NOS1: variants seen among roughly 807,000 people sequenced by gnomAD.
NOS1 encodes the protein NOS type I.
NOS1 carries 51 observed loss-of-function variants against 164.5 expected under a neutral mutation model. That is an observed-to-expected ratio of 0.31 (90% CI 0.25 to 0.39). The LOEUF (loss-of-function observed/expected upper bound fraction) is 0.39, where lower values mean the gene tolerates loss of function less well. Among genes scored for constraint, NOS1 ranks in the 10% least tolerant of loss-of-function variants. NOS1 has a pLI of 1.00. For synonymous variants in NOS1, 719 were observed against 745.8 expected (o/e 0.96, Z 0.59); for missense variants, 1,362 against 1,885.6 (o/e 0.72, Z 5.14).
At chr12:117,240,301 A>T (rs1035195767) in intron 20 of NOS1, among the ~76,000 whole-genome samples, 1 of 152,196 alleles carries the variant, frequency 6.6e-6, no homozygotes, top group African/African-American at 2.4e-5. Flanking sequence ...TTGAGAATCT[A>T]AGAGAGAATA....
At chr12:117,252,559 G>A in intron 17 of NOS1, among the ~76,000 whole-genome samples, 1 of 152,218 alleles carries the variant, frequency 6.6e-6, no homozygotes, top group Non-Finnish European at 1.5e-5. Context: ...ACTATGGACT[G>A]TGGCTGATAA....
chr12:117,240,103 A>G (rs1210124182), intron 20 of NOS1, among the ~76,000 whole-genome samples: 1 of 152,192 alleles, frequency 6.6e-6, no homozygotes, highest in African/African-American at 2.4e-5. Flanking sequence ...TGCTGAAAGA[A>G]ATTTCCAGTA....
At chr12:117,307,919 G>T (rs994549696) in intron 3 of NOS1, among the ~76,000 whole-genome samples, 3 of 151,844 alleles carry the variant, frequency 2.0e-5, no homozygotes, top group East Asian at 1.9e-4. Flanking sequence ...GGAGGCTGAG[G>T]GGGGAGGATT....
Position 117,234,297 on chromosome 12 carries a change from G to T in NOS1, c.3235+268C>A, listed in dbSNP as rs1342359303. ...AAGAATGGCTACTGCTAAAGTCCGT[G>T]TCTAGTCAATGAAGGAAGGTAGCAG... On this transcript the variant is annotated intron_variant, in intron 21 of 28. Transcript: ENST00000317775. This position sits in a 1 kb window ranked among gnomAD's most constrained non-coding sequence, Gnocchi z 4.3. 5.9e-5 allele frequency among the ~76,000 whole-genome samples: 9 copies of T among 152,206 alleles called. No individual in the cohort carries two copies. Among genetic ancestry groups the T allele is most frequent in the African/African-American group, 2.2e-4 (9 of 41,458 alleles).
intron 3 of NOS1, among the ~76,000 whole-genome samples, chr12:117,294,396 T>C (rs780386564): frequency 1.7e-4 from 26 of 152,098 alleles, no homozygotes; most frequent in Admixed American, 1.2e-3. Flanking sequence ...AGGTCCCAGA[T>C]GTGCGAGGGG....
intron 1 of NOS1, among the ~76,000 whole-genome samples, chr12:117,344,017 T>C (rs916691955): frequency 7.9e-5 from 12 of 152,192 alleles, no homozygotes. Context: ...ATGTCAGATA[T>C]ACCAGTAATA....
intron 1 of NOS1, among the ~76,000 whole-genome samples, chr12:117,343,711 C>T (rs1819283099): frequency 6.6e-6 from 1 of 152,186 alleles, no homozygotes; most frequent in South Asian, 2.1e-4. Context: ...AATTGCACAT[C>T]AGTGTTAACT....
Position 117,275,374 on chromosome 12 carries a change from A to G in NOS1, c.1664+2585T>C, listed in dbSNP as rs572930063. Among the ~76,000 whole-genome samples, 6 of 152,290 alleles carry G rather than the reference A, an allele frequency of 3.9e-5. No individual in the cohort carries two copies. In the South Asian group the frequency reaches 1.2e-3, roughly 32 times the overall value. On this transcript the variant is annotated intron_variant, in intron 9 of 28. Coordinates refer to ENST00000317775, the MANE Select transcript of NOS1 (RefSeq NM_000620.5). ...AACATAGATAGAACTGGAGGACGTT[A>G]TGTTAAGTGAAATGAACCAGGAACT... is the stretch of plus-strand genomic sequence containing the variant.
intron 10 of NOS1, among the ~76,000 whole-genome samples, chr12:117,270,217 G>C (rs979291542): frequency 1.1e-4 from 17 of 152,166 alleles, no homozygotes; most frequent in Admixed American, 5.9e-4. Context: ...GTCACTGGTG[G>C]GAACCCAGGT....
At chr12:117,296,552 T>C (rs1873429146) in intron 3 of NOS1, among the ~76,000 whole-genome samples, 1 of 152,224 alleles carries the variant, frequency 6.6e-6, no homozygotes, top group African/African-American at 2.4e-5. Context: ...CTCCAAGTTC[T>C]TTAGCTTTGG....
At position 117,330,586 on chromosome 12, in the gene NOS1, C is replaced by T; in HGVS notation, c.484G>A (p.Ala162Thr). Residue 162 changes from alanine (A) to threonine (T), a missense_variant, in exon 2 of 29, where the codon GCC (alanine) becomes ACC (threonine). Ala to Thr is a moderately conservative substitution (Grantham distance 58, BLOSUM62 0). Transcript: ENST00000317775. The surrounding 1 kb of genome is among the most constrained non-coding windows in gnomAD (Gnocchi z 4.6). ...ASGPGNGPQH[A>T]YDDGQEAGSL... is the part of the protein sequence containing the mutation. ...CCAGCCTCCTGCCCATCATCGTAGG[C>T]ATGCTGAGGCCCATTCCCGGGACCC... 1 of 1,612,668 alleles carries T rather than the reference C, an allele frequency of 6.2e-7. No homozygotes were observed. Among genetic ancestry groups the T allele is most frequent in the African/African-American group, 1.3e-5 (1 of 75,022 alleles).
In NOS1 at chr12:117,265,297, G is replaced by A. The variant is rs760417515; in HGVS notation, c.2136+19C>T. 7 of 1,514,926 alleles carry A rather than the reference G, an allele frequency of 4.6e-6. No homozygotes were observed. The highest frequency in any genetic ancestry group is 6.2e-6 in the Non-Finnish European group (7 of 1,125,640). 93.8% of individuals were successfully genotyped at this position (1,514,926 alleles called of 1,614,324 possible). On this transcript the variant is annotated intron_variant, in intron 12 of 28. Coordinates refer to ENST00000317775, the MANE Select transcript of NOS1 (RefSeq NM_000620.5). ...ATACAGGACACTTAATATGAAAAGA[G>A]GCAGGGACAGGGAAGGACCTGGTAT...
rs549340789 is a variant in NOS1, at chr12:117,330,510, G to A, written c.560C>T (p.Pro187Leu). 1.1e-5 allele frequency: 18 copies of A among 1,614,070 alleles called. No individual in the cohort carries two copies. In the East Asian group the frequency reaches 1.6e-4, roughly 14 times the overall value. Residue 187 changes from proline to leucine, a missense_variant, in exon 2 of 29, where the codon CCC (proline) becomes CTC (leucine). By Grantham distance (98) the Pro-to-Leu change is moderately conservative (BLOSUM62 -3). Coordinates refer to ENST00000317775, the MANE Select transcript of NOS1 (RefSeq NM_000620.5). This position sits in a 1 kb window ranked among gnomAD's most constrained non-coding sequence, Gnocchi z 4.6. The stretch of plus-strand genomic sequence containing the variant: ...GCTGACTCTGGTTGCTTTCTTCGCG[G>A]GGTCCTGGCCTGGGGGCCTGGGGGC... ...GLAPRPPGQD[P>L]AKKATRVSLQ...
Position 117,359,874 on chromosome 12 carries a change from TTTTATATATATATATA to T in NOS1, c.-421+1622_-421+1637del, listed in dbSNP as rs1490462425. On this transcript the variant is annotated intron_variant, in intron 1 of 28. Coordinates refer to ENST00000317775, the MANE Select transcript of NOS1 (RefSeq NM_000620.5). ...CGGTCCCAGAGCATTACAATAATGG[TTTTATATATATATATA>T]TATATATATATATATATATATATAT... 3.8e-3 allele frequency among the ~76,000 whole-genome samples: 169 copies of T among 44,198 alleles called. 12 individuals are homozygous for T. Among genetic ancestry groups the T allele is most frequent in the Admixed American group, 5.9e-3 (21 of 3,570 alleles). 29.0% of individuals were successfully genotyped at this position (44,198 alleles called of 152,430 possible). A position where few individuals can be genotyped will look rare whatever the true frequency, so the allele number is the denominator to read the frequency against.
At chr12:117,268,381 C>T (rs1053935295) in intron 10 of NOS1, among the ~76,000 whole-genome samples, 1 of 151,876 alleles carries the variant, frequency 6.6e-6, no homozygotes, top group Non-Finnish European at 1.5e-5. Context: ...CAGGCTTCTG[C>T]CACTATGCCT....
rs1313632865 is a variant in NOS1 at position 117,209,901 on chromosome 12, G to A, written c.*5408C>T. 1.0e-6 allele frequency: 1 copy of A among 985,368 alleles called. No individual in the cohort carries two copies. The highest frequency in any genetic ancestry group is 1.7e-5 in the African/African-American group (1 of 57,240). The allele number at this position is 985,368 out of a possible 1,614,324, so 61.0% of individuals were successfully genotyped here. ...CCTGTTCATGGGGAACATCTATGTT[G>A]ACTCCCTGGGAGGCAGGCCCCTTCC... On this transcript the variant is annotated 3_prime_UTR_variant, in exon 29 of 29. Coordinates refer to ENST00000317775, the MANE Select transcript of NOS1 (RefSeq NM_000620.5).
intron 20 of NOS1, among the ~76,000 whole-genome samples, chr12:117,238,880 GA>G (rs1221746308): frequency 6.6e-6 from 1 of 152,006 alleles, no homozygotes; most frequent in African/African-American, 2.4e-5. Context: ...ATAAAGGAAA[GA>G]AAAAAAGGAA....
intron 1 of NOS1, among the ~76,000 whole-genome samples, chr12:117,359,158 C>G (rs939067801): frequency 2.0e-5 from 3 of 152,204 alleles, no homozygotes; most frequent in Non-Finnish European, 2.9e-5. Flanking sequence ...GTGCGCCCCT[C>G]AGGGCGCTTC....
chr12:117,306,871 T>C (rs890174348), intron 3 of NOS1, among the ~76,000 whole-genome samples: 1 of 152,146 alleles, frequency 6.6e-6, no homozygotes, highest in African/African-American at 2.4e-5. Context: ...CTTCCCACCC[T>C]GGCCTCCCAA....
Sources: allele counts gnomAD v4.1 joint callset (sites outside exome capture counted in the v4.1 genomes callset), GRCh38; gene constraint gnomAD v4.1.1; non-coding constraint Gnocchi (gnomAD v3.1); transcripts MANE v1.5; gene names NCBI Gene and HGNC (gene_info 2026-07-23, HGNC 2026-07-21).